The following VDAC1 variants were observed in gnomAD, a reference collection of about 807,000 sequenced individuals.
VDAC1 encodes the protein non-selective voltage-gated ion channel VDAC1.
A neutral mutation model predicts 34.7 loss-of-function variants in VDAC1; 10 were observed. That is an observed-to-expected ratio of 0.29 (90% CI 0.18 to 0.49). VDAC1 has a LOEUF of 0.49. Ranked by LOEUF, VDAC1 falls within the 20% of genes least tolerant of loss-of-function variation. The probability of loss-of-function intolerance (pLI) is 0.99; values close to 1 mark genes in which losing one functional copy is unlikely to be tolerated. For synonymous variants in VDAC1, 130 were observed against 136.0 expected, an observed-to-expected ratio of 0.96 and a Z score of 0.30; for missense variants, 230 against 347.9, an observed-to-expected ratio of 0.66 and a Z score of 2.69.
the VDAC1 span, among the ~76,000 whole-genome samples, chr5:134,017,696 G>A: frequency 2.0e-5 from 3 of 152,012 alleles, no homozygotes; most frequent in Non-Finnish European, 4.4e-5. Flanking sequence ...GGCGGATCAC[G>A]AGGTCAGGAG....
the VDAC1 span, among the ~76,000 whole-genome samples, chr5:134,053,796 C>T: frequency 6.6e-6 from 1 of 152,202 alleles, no homozygotes; most frequent in Non-Finnish European, 1.5e-5. Flanking sequence ...TTTCCCTAAA[C>T]CACAAGTCAA....
At chr5:134,042,763 C>T in the VDAC1 span, among the ~76,000 whole-genome samples, 1 of 152,228 alleles carries the variant, frequency 6.6e-6, no homozygotes, top group South Asian at 2.1e-4. Context: ...CTGGGGATTA[C>T]AGGCGTGAGC....
At chr5:134,067,655 G>C in the VDAC1 span, among the ~76,000 whole-genome samples, 5 of 146,164 alleles carry the variant, frequency 3.4e-5, no homozygotes, top group African/African-American at 1.0e-4. Context: ...GGGAGGCGGT[G>C]AGGGGGAGGG....
At chr5:133,985,830 T>A (rs753868520) in intron 5 of VDAC1, among the ~76,000 whole-genome samples, 7 of 152,120 alleles carry the variant, frequency 4.6e-5, no homozygotes, top group Non-Finnish European at 7.4e-5. Flanking sequence ...CTTCTAACCA[T>A]CTCCTTTTTC....
chr5:134,078,486 G>T, the VDAC1 span, among the ~76,000 whole-genome samples: 3,241 of 152,164 alleles, frequency 0.021, 54 homozygotes, highest in East Asian at 0.089. Flanking sequence ...AAGGCACCTG[G>T]GTGTTCACAG....
chr5:134,072,346 A>T, the VDAC1 span, among the ~76,000 whole-genome samples: 1 of 152,196 alleles, frequency 6.6e-6, no homozygotes, highest in African/African-American at 2.4e-5. Flanking sequence ...AAGGGGCAGG[A>T]CCTGCTGCAG....
the VDAC1 span, among the ~76,000 whole-genome samples, chr5:134,110,790 A>C: frequency 1.3e-5 from 2 of 152,254 alleles, no homozygotes; most frequent in African/African-American, 2.4e-5. Context: ...GCCACATTTC[A>C]AGGGTCTCCC....
At chr5:133,991,231 T>A in intron 3 of VDAC1, 77 bp from the exon 4 acceptor site, 3 of 1,575,364 alleles carry the variant, frequency 1.9e-6, no homozygotes, top group Non-Finnish European at 2.6e-6. Context: ...ACACTATACT[T>A]GCCTTTCTGC....
At chr5:134,076,127 A>G in the VDAC1 span, among the ~76,000 whole-genome samples, 6 of 152,170 alleles carry the variant, frequency 3.9e-5, no homozygotes, top group African/African-American at 1.4e-4. Flanking sequence ...TTATAGGCAC[A>G]TGCCACCATG....
chr5:134,031,490 G>A, the VDAC1 span, among the ~76,000 whole-genome samples: 1 of 152,178 alleles, frequency 6.6e-6, no homozygotes, highest in Non-Finnish European at 1.5e-5. Flanking sequence ...ATAAGAGGGA[G>A]ACAGGAGATT....
chr5:133,975,649 G>T (rs1352327831), intron 7 of VDAC1, among the ~76,000 whole-genome samples: 1 of 151,962 alleles, frequency 6.6e-6, no homozygotes, highest in Non-Finnish European at 1.5e-5. Flanking sequence ...TTAGTAGACA[G>T]GGTTTCACCG....
chr5:134,078,602 G>T, the VDAC1 span, among the ~76,000 whole-genome samples: 11 of 148,704 alleles, frequency 7.4e-5, no homozygotes, highest in Admixed American at 7.4e-4. Flanking sequence ...AGGTGTGCAA[G>T]ATAGTAAGTA....
the VDAC1 span, among the ~76,000 whole-genome samples, chr5:134,091,398 G>A: frequency 4.7e-4 from 72 of 152,158 alleles, 1 homozygote; most frequent in Middle Eastern, 0.017. Context: ...ATCATCATGC[G>A]TGGTCAGATT....
the VDAC1 span, among the ~76,000 whole-genome samples, chr5:134,031,772 G>A: frequency 8.0e-4 from 122 of 151,936 alleles, no homozygotes; most frequent in African/African-American, 2.8e-3. Flanking sequence ...CCAACATGGC[G>A]AAACCCCATC....
intron 5 of VDAC1, among the ~76,000 whole-genome samples, chr5:133,983,677 A>G (rs1752787430): frequency 6.6e-6 from 1 of 152,198 alleles, no homozygotes; most frequent in South Asian, 2.1e-4. Flanking sequence ...GGCAAGAGTG[A>G]CACCGTCTTG....
the VDAC1 span, among the ~76,000 whole-genome samples, chr5:134,112,286 G>A: frequency 1.3e-5 from 2 of 152,130 alleles, no homozygotes; most frequent in South Asian, 2.1e-4. Context: ...CACCTAAATC[G>A]GCTCTAATAA....
chr5:134,057,070 C>T, the VDAC1 span, among the ~76,000 whole-genome samples: 2 of 151,894 alleles, frequency 1.3e-5, no homozygotes, highest in Non-Finnish European at 2.9e-5. Context: ...CACAGTGGCT[C>T]ACACCTATAA....
chr5:133,984,419 C>CGTGTGTGTGGGTGTGT (rs1752825937), intron 5 of VDAC1, among the ~76,000 whole-genome samples: 1 of 121,938 alleles, frequency 8.2e-6, no homozygotes, highest in Non-Finnish European at 1.7e-5. Flanking sequence ...CAATGACCAG[C>CGTGTGTGTGGGTGTGT]GTGTGTGTGT....
At chr5:134,073,997 T>C in the VDAC1 span, among the ~76,000 whole-genome samples, 11 of 152,268 alleles carry the variant, frequency 7.2e-5, no homozygotes, top group African/African-American at 2.6e-4. Context: ...ATTATATATG[T>C]CACTGAAAGT....
Sources: allele counts gnomAD v4.1 joint callset (sites outside exome capture counted in the v4.1 genomes callset), GRCh38; gene constraint gnomAD v4.1.1; transcripts MANE v1.5; gene names NCBI Gene and HGNC (gene_info 2026-07-23, HGNC 2026-07-21).